The following GOLGA7B variants were observed in gnomAD, a reference collection of about 807,000 sequenced individuals.
GOLGA7B encodes the protein golgin A7 family member B.
GOLGA7B carries 17 observed loss-of-function variants against 21.5 expected under a neutral mutation model. The observed-to-expected ratio is 0.79, with a 90% CI of 0.54 to 1.19. GOLGA7B has a LOEUF of 1.19. Ranked by LOEUF, GOLGA7B falls within the 50% of genes most tolerant of loss-of-function variation. GOLGA7B has a pLI of 0.00. For missense variants in GOLGA7B, 169 were observed against 224.4 expected (o/e 0.75, Z 1.58); for synonymous variants, 87 against 84.0 (o/e 1.04, Z -0.19).
In GOLGA7B at chr10:97,859,445, C is replaced by A; in HGVS notation, c.13-13C>A. The A allele has an allele frequency of 6.2e-7, 1 of 1,613,750 alleles. No homozygotes were observed. The highest frequency in any genetic ancestry group is 8.5e-7 in the Non-Finnish European group (1 of 1,179,778). On this transcript the variant is annotated splice_polypyrimidine_tract_variant and intron_variant, in intron 1 of 4. Transcript: ENST00000370602. ...GGTCACTCTCAGCACATGCCGCCCG[C>A]ACGTCTCCTCAGGTCCACAATCTGC...
At chr10:97,859,300 C>A in intron 1 of GOLGA7B, 158 bp from the exon 2 acceptor site, 3 of 666,078 alleles carry the variant, frequency 4.5e-6, no homozygotes, top group Non-Finnish European at 5.0e-6. Context: ...CCTCCCTTGG[C>A]CTCTTGGAGC....
In GOLGA7B at chr10:97,850,128, C is replaced by T; in HGVS notation, c.-176C>T. On this transcript the variant is annotated 5_prime_UTR_variant, in exon 1 of 5. Transcript: ENST00000370602. ...CGCCGCGCCCCTTGCCTGGACCCAG[C>T]CGCCCGCCCGCCCCCGGCCCACCTG... The T allele has an allele frequency of 7.0e-6, 1 of 142,730 alleles. No homozygotes were observed. The highest frequency in any genetic ancestry group is 1.5e-5 in the Non-Finnish European group (1 of 65,652). The allele number at this position is 142,730 out of a possible 1,614,324, so 8.8% of individuals were successfully genotyped here.
rs2050049860 is a variant in GOLGA7B, at chr10:97,868,125, G to A, written c.*2425G>A. 1 of 152,256 alleles carries A rather than the reference G, an allele frequency of 6.6e-6. No individual in the cohort carries two copies. The highest frequency in any genetic ancestry group is 2.4e-5 in the African/African-American group (1 of 41,452). 9.4% of individuals were successfully genotyped at this position (152,256 alleles called of 1,614,324 possible). A position where few individuals can be genotyped will look rare whatever the true frequency, so the allele number is the denominator to read the frequency against. On this transcript the variant is annotated 3_prime_UTR_variant, in exon 5 of 5. Transcript: ENST00000370602. ...TGGATGATCACTTCTCGGCCTTTTG[G>A]CCAAGATCAAATATGGAGAAAGTAG...
intron 4 of GOLGA7B, 82 bp downstream of exon 4, chr10:97,864,351 C>T: frequency 8.5e-7 from 1 of 1,175,782 alleles, no homozygotes; most frequent in East Asian, 2.5e-5. Flanking sequence ...GGAAACGAGG[C>T]CACCTTAGGG....
In GOLGA7B at chr10:97,859,530, G is replaced by A. The variant is rs200719626; in HGVS notation, c.85G>A (p.Asp29Asn). The A allele has an allele frequency of 4.5e-5, 72 of 1,614,104 alleles. No individual in the cohort carries two copies. The East Asian group carries it at 1.2e-3, about 26-fold the overall frequency. Residue 29 changes from aspartate to asparagine, a missense_variant, in exon 2 of 5, where the codon GAT becomes AAT. Asp to Asn is a conservative substitution (Grantham distance 23). Transcript: ENST00000370602. ...GGTCTTTATCCAGAGAGACTACAGC[G>A]ATGGGACCATCTGTCAGTTCCAGAC... Reference protein sequence around the residue: ...TKVFIQRDYSDGTICQFQTKF... With the variant: ...TKVFIQRDYSNGTICQFQTKF...
Position 97,867,380 on chromosome 10 carries a change from G to A in GOLGA7B, c.*1680G>A, listed in dbSNP as rs1285118871. On this transcript the variant is annotated 3_prime_UTR_variant, in exon 5 of 5. Coordinates refer to ENST00000370602, the MANE Select transcript of GOLGA7B (RefSeq NM_001010917.3). ...TCTCAGTTGGCGGGAGGTGTTAGAAGTGGATGTGCAAGACCAGCCACTGGA... is the reference window on the plus strand; with the variant it reads ...TCTCAGTTGGCGGGAGGTGTTAGAAATGGATGTGCAAGACCAGCCACTGGA... 1 of 152,278 alleles carries A rather than the reference G, an allele frequency of 6.6e-6. No homozygotes were observed. Among genetic ancestry groups the A allele is most frequent in the East Asian group, 1.9e-4 (1 of 5,192 alleles). The allele number at this position is 152,278 out of a possible 1,614,324, so 9.4% of individuals were successfully genotyped here.
At chr10:97,859,429 C>G (rs139595752) in intron 1 of GOLGA7B, 29 bp from the exon 2 acceptor site, 3 of 1,612,084 alleles carry the variant, frequency 1.9e-6, no homozygotes, top group Non-Finnish European at 2.5e-6. Flanking sequence ...TGGTCACTCT[C>G]AGCACATGCC....
intron 1 of GOLGA7B, among the ~76,000 whole-genome samples, chr10:97,856,500 A>G (rs2049936146): frequency 6.6e-6 from 1 of 152,128 alleles, no homozygotes; most frequent in Non-Finnish European, 1.5e-5. Flanking sequence ...GTTACTCTGA[A>G]GTTGGTTCTA....
At chr10:97,855,064 G>A (rs893792257) in intron 1 of GOLGA7B, among the ~76,000 whole-genome samples, 23 of 152,206 alleles carry the variant, frequency 1.5e-4, no homozygotes, top group Admixed American at 2.6e-4. Flanking sequence ...CTGCAAGGGA[G>A]GCTGGGAATT....
rs2050086609 is a variant in GOLGA7B, at chr10:97,870,923, T to C, written c.*5223T>C. On this transcript the variant is annotated 3_prime_UTR_variant, in exon 5 of 5. Transcript: ENST00000370602. The stretch of plus-strand genomic sequence containing the variant: ...GTTATCTGAGGAGAGCATCTACAGC[T>C]TTCAGCAGATTCTCAAAGGGGTATG... 6.6e-6 allele frequency: 1 copy of C among 152,208 alleles called. No individual in the cohort carries two copies. Among genetic ancestry groups the C allele is most frequent in the Non-Finnish European group, 1.5e-5 (1 of 68,026 alleles). The allele number at this position is 152,208 out of a possible 1,614,324, so 9.4% of individuals were successfully genotyped here.
At chr10:97,850,813 G>A (rs2136511095) in intron 1 of GOLGA7B, among the ~76,000 whole-genome samples, 1 of 151,974 alleles carries the variant, frequency 6.6e-6, no homozygotes, top group Middle Eastern at 3.4e-3. Context: ...CAAATGGTTG[G>A]TCTCCACTTT....
At position 97,869,152 on chromosome 10, in the gene GOLGA7B, T is replaced by C. The variant is rs2050062517; in HGVS notation, c.*3452T>C. 6.6e-6 allele frequency: 1 copy of C among 152,272 alleles called. No homozygotes were observed. Among genetic ancestry groups the C allele is most frequent in the Non-Finnish European group, 1.5e-5 (1 of 68,066 alleles). 9.4% of individuals were successfully genotyped at this position (152,272 alleles called of 1,614,324 possible). A position where few individuals can be genotyped will look rare whatever the true frequency, so the allele number is the denominator to read the frequency against. ...CGTCCTGGGATTAGGATCAGGCAGATTCCCAGGGAAGGACTTGGAGCCATG... is the reference window on the plus strand; with the variant it reads ...CGTCCTGGGATTAGGATCAGGCAGACTCCCAGGGAAGGACTTGGAGCCATG... On this transcript the variant is annotated 3_prime_UTR_variant, in exon 5 of 5. Coordinates refer to ENST00000370602, the MANE Select transcript of GOLGA7B (RefSeq NM_001010917.3).
intron 1 of GOLGA7B, 84 bp from the exon 2 acceptor site, chr10:97,859,374 C>A (rs2049956257): frequency 7.2e-7 from 1 of 1,392,210 alleles, no homozygotes; most frequent in Non-Finnish European, 9.9e-7. Flanking sequence ...TGCTGGAAGA[C>A]CTGCATTCTG....
chr10:97,856,459 AT>A (rs2136514099), intron 1 of GOLGA7B, among the ~76,000 whole-genome samples: 1 of 152,254 alleles, frequency 6.6e-6, no homozygotes, highest in Non-Finnish European at 1.5e-5. Flanking sequence ...TATATACCAC[AT>A]TTTCTTTATC....
In GOLGA7B at chr10:97,859,566, C is replaced by T. The variant is rs757847652; in HGVS notation, c.121C>T (p.Pro41Ser). ...TICQFQTKFP[P>S]ELDSRIERQL... ...CTGTCAGTTCCAGACCAAATTCCCC[C>T]CAGAGCTGGACAGCCGGGTAAGGAT... Residue 41 changes from proline to serine, a missense_variant, in exon 2 of 5, where the codon CCA (proline) becomes TCA (serine). By Grantham distance (74) the Pro-to-Ser change is moderately conservative (BLOSUM62 -1). Transcript: ENST00000370602. The T allele has an allele frequency of 3.3e-5, 54 of 1,614,014 alleles. No individual in the cohort carries two copies. The Admixed American group carries it at 5.2e-4, about 15-fold the overall frequency.
intron 1 of GOLGA7B, among the ~76,000 whole-genome samples, 186 bp downstream of exon 1, chr10:97,850,501 C>T (rs1435772389): frequency 1.3e-5 from 2 of 152,116 alleles, no homozygotes; most frequent in East Asian, 1.9e-4. Context: ...GTCAATCTTC[C>T]CCTCGCCCCA....
intron 1 of GOLGA7B, 97 bp downstream of exon 1, chr10:97,850,412 G>A: frequency 1.9e-6 from 2 of 1,044,896 alleles, no homozygotes; most frequent in East Asian, 3.1e-5. Flanking sequence ...GGGAGTTGGG[G>A]GTGGGATGGG....
At position 97,859,581 on chromosome 10, in the gene GOLGA7B, C is replaced by A. The variant is rs747181097; in HGVS notation, c.136C>A (p.Arg46=). 6.2e-7 allele frequency: 1 copy of A among 1,613,574 alleles called. No homozygotes were observed. The highest frequency in any genetic ancestry group is 1.1e-5 in the South Asian group (1 of 90,954). The stretch of plus-strand genomic sequence containing the variant: ...CAAATTCCCCCCAGAGCTGGACAGC[C>A]GGGTAAGGATGCCTTTTTCTGCACT... ...QTKFPPELDS[R]IERQLFEETV... The change falls in exon 2 of 5, where the codon CGG becomes AGG. Residue 46 remains arginine, a splice_region_variant and synonymous_variant. Transcript: ENST00000370602.
In GOLGA7B at chr10:97,866,562, G is replaced by A. The variant is rs1564868561; in HGVS notation, c.*862G>A. Reference sequence around the variant, plus strand: ...GTGCACATGTGTGTAAGTGCAGTGTGCGTAAATGTGTGAGTCTGCGTGTGT... The same window carrying A: ...GTGCACATGTGTGTAAGTGCAGTGTACGTAAATGTGTGAGTCTGCGTGTGT... On this transcript the variant is annotated 3_prime_UTR_variant, in exon 5 of 5. Transcript: ENST00000370602. 2 of 152,288 alleles carry A rather than the reference G, an allele frequency of 1.3e-5. No individual in the cohort carries two copies. Among genetic ancestry groups the A allele is most frequent in the Admixed American group, 6.5e-5 (1 of 15,286 alleles). 9.4% of individuals were successfully genotyped at this position (152,288 alleles called of 1,614,324 possible). A position where few individuals can be genotyped will look rare whatever the true frequency, so the allele number is the denominator to read the frequency against.
Sources: allele counts gnomAD v4.1 joint callset (sites outside exome capture counted in the v4.1 genomes callset), GRCh38; gene constraint gnomAD v4.1.1; transcripts MANE v1.5; gene names NCBI Gene and HGNC (gene_info 2026-07-23, HGNC 2026-07-21).